Variants in TCERG1L observed in about 807,000 individuals in gnomAD.
The protein encoded by TCERG1L is transcription elongation regulator 1 like, also known as transcription elongation regulator 1-like protein.
Under a neutral mutation model 56.3 loss-of-function variants are expected in TCERG1L, and 37 were observed. The ratio of observed to expected loss-of-function variants is 0.66; its 90% confidence interval spans 0.51 to 0.87. TCERG1L has a LOEUF of 0.87. Ranked by LOEUF, TCERG1L falls within the 40% of genes least tolerant of loss-of-function variation. TCERG1L has a pLI of 0.00. For missense variants in TCERG1L, 799 were observed against 774.2 expected, an observed-to-expected ratio of 1.03 and a Z score of -0.38; for synonymous variants, 324 against 326.3, an observed-to-expected ratio of 0.99 and a Z score of 0.08.
chr10:131,291,355 T>C (rs1167146158), intron 3 of TCERG1L, among the ~76,000 whole-genome samples: 2 of 146,490 alleles, frequency 1.4e-5, no homozygotes, highest in African/African-American at 2.5e-5. Flanking sequence ...TATATATAGA[T>C]AGATACCTTT....
chr10:131,187,087 A>G (rs1007263791), intron 4 of TCERG1L, among the ~76,000 whole-genome samples: 2 of 152,180 alleles, frequency 1.3e-5, no homozygotes, highest in Non-Finnish European at 2.9e-5. Flanking sequence ...CCTGTACAAC[A>G]AGGCAAGTCT....
chr10:131,104,758 G>T (rs1845335551), intron 9 of TCERG1L, among the ~76,000 whole-genome samples: 1 of 152,172 alleles, frequency 6.6e-6, no homozygotes, highest in Non-Finnish European at 1.5e-5. Context: ...TAGGTGATTT[G>T]TAATCAAAGT....
At chr10:131,136,825 G>A (rs1845680674) in intron 7 of TCERG1L, among the ~76,000 whole-genome samples, 4 of 151,818 alleles carry the variant, frequency 2.6e-5, no homozygotes, top group Admixed American at 2.6e-4. Flanking sequence ...TCCTGGCTGT[G>A]GGAACCTGCT....
intron 4 of TCERG1L, among the ~76,000 whole-genome samples, chr10:131,249,667 T>C (rs1047341497): frequency 8.5e-5 from 13 of 152,208 alleles, no homozygotes; most frequent in Non-Finnish European, 1.5e-5. Context: ...TTTCAAAATA[T>C]ATATCACCAG....
At chr10:131,281,044 T>A (rs1009590924) in intron 3 of TCERG1L, among the ~76,000 whole-genome samples, 3 of 152,210 alleles carry the variant, frequency 2.0e-5, no homozygotes, top group African/African-American at 7.2e-5. Flanking sequence ...GTTATCACTG[T>A]GGTCCACAGT....
chr10:131,305,363 A>G (rs1846809663), intron 3 of TCERG1L, among the ~76,000 whole-genome samples: 1 of 152,062 alleles, frequency 6.6e-6, no homozygotes, highest in Non-Finnish European at 1.5e-5. Context: ...TAGCTTTTCC[A>G]AATTCATCCA....
intron 3 of TCERG1L, among the ~76,000 whole-genome samples, chr10:131,283,541 C>T (rs1310743488): frequency 6.6e-6 from 1 of 152,076 alleles, no homozygotes. Flanking sequence ...CCAAAAATAA[C>T]AAAAGACAAA....
At chr10:131,197,830 A>T (rs903247211) in intron 4 of TCERG1L, among the ~76,000 whole-genome samples, 1 of 152,224 alleles carries the variant, frequency 6.6e-6, no homozygotes, top group Non-Finnish European at 1.5e-5. Context: ...AATACAAAAA[A>T]GTTTAAACAA....
intron 4 of TCERG1L, among the ~76,000 whole-genome samples, chr10:131,178,803 T>C (rs917093067): frequency 3.3e-5 from 5 of 152,180 alleles, no homozygotes; most frequent in African/African-American, 1.2e-4. Flanking sequence ...TCTCCGCACT[T>C]GAGGAGCCTC....
rs555341628 is a variant in TCERG1L at position 131,260,840 on chromosome 10, G to C, written c.671-396C>G. 3.0e-4 allele frequency among the ~76,000 whole-genome samples: 46 copies of C among 152,314 alleles called. No homozygotes were observed. The South Asian group carries it at 4.8e-3, about 16-fold the overall frequency. On this transcript the variant is annotated intron_variant, in intron 3 of 11. Coordinates refer to ENST00000368642, the MANE Select transcript of TCERG1L (RefSeq NM_174937.4). The surrounding 1 kb of genome is among the most constrained non-coding windows in gnomAD (Gnocchi z 5.8). Reference sequence around the variant, plus strand: ...AGCAGAAACCGGTGAAGGCCCAGGAGTGCCACATAAAAAAGTGGGGGTGGT... The same window carrying C: ...AGCAGAAACCGGTGAAGGCCCAGGACTGCCACATAAAAAAGTGGGGGTGGT...
At chr10:131,230,556 G>A (rs914360350) in intron 4 of TCERG1L, among the ~76,000 whole-genome samples, 1 of 152,228 alleles carries the variant, frequency 6.6e-6, no homozygotes, top group African/African-American at 2.4e-5. Flanking sequence ...TGACGAGCCT[G>A]GCGGGCCCAG....
intron 4 of TCERG1L, among the ~76,000 whole-genome samples, chr10:131,257,493 C>T (rs914371455): frequency 1.4e-4 from 21 of 152,284 alleles, no homozygotes; most frequent in African/African-American, 1.7e-4. Flanking sequence ...ACACAGAGCC[C>T]GCTCCTTCAG....
chr10:131,305,840 T>C (rs1846813780), intron 3 of TCERG1L, among the ~76,000 whole-genome samples: 1 of 150,662 alleles, frequency 6.6e-6, no homozygotes, highest in African/African-American at 2.5e-5. Flanking sequence ...AATATAACTA[T>C]TATATAATAG....
At chr10:131,147,316 GA>G (rs1046032236) in intron 6 of TCERG1L, among the ~76,000 whole-genome samples, 23 of 150,020 alleles carry the variant, frequency 1.5e-4, no homozygotes, top group African/African-American at 3.7e-4. Flanking sequence ...AGATTAAAAA[GA>G]AAAAAAAATG....
chr10:131,117,701 C>T (rs564432790), intron 8 of TCERG1L, among the ~76,000 whole-genome samples: 4 of 152,310 alleles, frequency 2.6e-5, no homozygotes, highest in Admixed American at 6.5e-5. Flanking sequence ...CCTTCCGAAC[C>T]ACACGGGCAG....
intron 8 of TCERG1L, among the ~76,000 whole-genome samples, chr10:131,128,380 A>G (rs1454136494): frequency 6.6e-6 from 1 of 152,220 alleles, no homozygotes; most frequent in African/African-American, 2.4e-5. Context: ...GCAATTCAAG[A>G]AAATGCCCTT....
intron 4 of TCERG1L, among the ~76,000 whole-genome samples, chr10:131,195,370 T>C (rs1845347862): frequency 6.6e-6 from 1 of 152,212 alleles, no homozygotes; most frequent in Non-Finnish European, 1.5e-5. Context: ...TTTCCCCATC[T>C]GAGAGGCTCG....
intron 7 of TCERG1L, among the ~76,000 whole-genome samples, chr10:131,135,239 G>T (rs1344624466): frequency 2.0e-5 from 3 of 152,056 alleles, no homozygotes; most frequent in Non-Finnish European, 4.4e-5. Context: ...AGCTTGGGTG[G>T]CCAACTGAGC....
At chr10:131,288,522 G>A (rs2133570260) in intron 3 of TCERG1L, among the ~76,000 whole-genome samples, 1 of 152,276 alleles carries the variant, frequency 6.6e-6, no homozygotes, top group Middle Eastern at 3.4e-3. Flanking sequence ...CCCAGGGCCT[G>A]CCCTCCACCC....
Sources: gnomAD v4.1 joint callset for allele counts (sites outside exome capture counted in the v4.1 genomes callset) on GRCh38, gnomAD v4.1.1 for gene constraint, Gnocchi (gnomAD v3.1) non-coding constraint, MANE v1.5 for transcripts, NCBI Gene and HGNC (gene_info 2026-07-23, HGNC 2026-07-21) for gene names.